SEZ6L: variants seen among roughly 807,000 people sequenced by gnomAD.
SEZ6L encodes the protein seizure related 6 homolog like, also known as seizure 6-like protein.
SEZ6L carries 37 observed loss-of-function variants against 106.2 expected under a neutral mutation model. That is an observed-to-expected ratio of 0.35 (90% CI 0.27 to 0.46). SEZ6L has a LOEUF of 0.46. SEZ6L is among the 20% of genes least tolerant of loss of function. The pLI, the probability that SEZ6L is intolerant of heterozygous loss-of-function variation, is 1.00. For missense variants in SEZ6L, 1,172 were observed against 1,332.8 expected (o/e 0.88, Z 1.88); for synonymous variants, 541 against 570.4 (o/e 0.95, Z 0.73).
At chr22:26,229,607 G>C (rs2078736686) in intron 1 of SEZ6L, among the ~76,000 whole-genome samples, 2 of 152,164 alleles carry the variant, frequency 1.3e-5, no homozygotes, top group Admixed American at 1.3e-4. Context: ...GCCCCAATTT[G>C]TGTGTAGCCT....
At chr22:26,208,157 C>T (rs1318769329) in intron 1 of SEZ6L, among the ~76,000 whole-genome samples, 3 of 152,032 alleles carry the variant, frequency 2.0e-5, no homozygotes, top group South Asian at 2.1e-4. Context: ...CCTCGTGATC[C>T]GCCCGTCTCG....
intron 1 of SEZ6L, among the ~76,000 whole-genome samples, chr22:26,188,128 C>T (rs1214093561): frequency 6.6e-6 from 1 of 152,172 alleles, no homozygotes; most frequent in Non-Finnish European, 1.5e-5. Flanking sequence ...ACCAGCAAAT[C>T]TCATATGATT....
intron 1 of SEZ6L, among the ~76,000 whole-genome samples, chr22:26,236,091 A>C (rs2078949893): frequency 6.6e-6 from 1 of 152,196 alleles, no homozygotes; most frequent in South Asian, 2.1e-4. Flanking sequence ...TGCTGTGCCC[A>C]CAAAAGCCTC....
intron 9 of SEZ6L, among the ~76,000 whole-genome samples, chr22:26,321,289 C>A (rs189390839): frequency 1.5e-4 from 23 of 152,288 alleles, no homozygotes; most frequent in African/African-American, 5.5e-4. Context: ...GGAGCTTGGA[C>A]TTTAACCCCA....
At chr22:26,187,285 G>A (rs1184828934) in intron 1 of SEZ6L, among the ~76,000 whole-genome samples, 1 of 152,200 alleles carries the variant, frequency 6.6e-6, no homozygotes, top group Non-Finnish European at 1.5e-5. Context: ...GGCCTTGTGA[G>A]AACTCACTCA....
intron 1 of SEZ6L, among the ~76,000 whole-genome samples, chr22:26,222,948 G>A (rs1277933784): frequency 6.6e-6 from 1 of 151,594 alleles, no homozygotes; most frequent in East Asian, 1.9e-4. Flanking sequence ...GTCCAGAGAG[G>A]CTGGTTAACA....
chr22:26,304,369 G>GAAAAAGA (rs1556332058), intron 5 of SEZ6L, among the ~76,000 whole-genome samples: 1 of 98,304 alleles, frequency 1.0e-5, no homozygotes, highest in Non-Finnish European at 1.9e-5. Flanking sequence ...AAAAAAGAAA[G>GAAAAAGA]AAGAAAGAAA....
chr22:26,240,998 C>T (rs949204795), intron 1 of SEZ6L, among the ~76,000 whole-genome samples: 3 of 152,134 alleles, frequency 2.0e-5, no homozygotes, highest in Admixed American at 6.5e-5. Context: ...GGACAGTAGG[C>T]GTCCATGCAC....
chr22:26,307,422 T>G (rs1398394370), intron 6 of SEZ6L, among the ~76,000 whole-genome samples: 2 of 152,086 alleles, frequency 1.3e-5, no homozygotes, highest in Admixed American at 6.5e-5. Context: ...ATTCTAATGT[T>G]TTGGCTTCTT....
At chr22:26,261,254 T>C (rs1358074773) in intron 1 of SEZ6L, among the ~76,000 whole-genome samples, 2 of 152,182 alleles carry the variant, frequency 1.3e-5, no homozygotes, top group African/African-American at 4.8e-5. Flanking sequence ...CTCACCTATT[T>C]ATCTTTGTTT....
At chr22:26,182,907 C>T (rs1011501505) in intron 1 of SEZ6L, among the ~76,000 whole-genome samples, 3 of 152,196 alleles carry the variant, frequency 2.0e-5, no homozygotes, top group Admixed American at 6.5e-5. Context: ...CGTGGCCTGT[C>T]TGCCGGGAGC....
intron 13 of SEZ6L, among the ~76,000 whole-genome samples, chr22:26,368,401 G>A (rs1161420414): frequency 6.6e-6 from 1 of 152,178 alleles, no homozygotes; most frequent in Non-Finnish European, 1.5e-5. Flanking sequence ...AGAAAAAAGG[G>A]AATATTATTC....
chr22:26,353,442 G>A (rs2083340843), intron 12 of SEZ6L, among the ~76,000 whole-genome samples: 1 of 152,170 alleles, frequency 6.6e-6, no homozygotes, highest in Non-Finnish European at 1.5e-5. Flanking sequence ...CTCATTGAAT[G>A]TGTAAGACAC....
rs533257784 is a variant in SEZ6L at position 26,246,899 on chromosome 22, T to A, written c.95-45507T>A. Among the ~76,000 whole-genome samples the A allele has an allele frequency of 1.3e-3, 192 of 152,332 alleles. 1 individual carries two copies. Among genetic ancestry groups the A allele is most frequent in the African/African-American group, 4.4e-3 (181 of 41,576 alleles). ...CCTTATGGCACCGTCTGGGTCTCAA[T>A]GTTTCTGTCAGATAAATGGGGGTGA... On this transcript the variant is annotated intron_variant, in intron 1 of 16. Coordinates refer to ENST00000248933, the MANE Select transcript of SEZ6L (RefSeq NM_021115.5).
chr22:26,301,342 C>T (rs2081447988), intron 5 of SEZ6L, among the ~76,000 whole-genome samples: 1 of 152,234 alleles, frequency 6.6e-6, no homozygotes, highest in South Asian at 2.1e-4. Context: ...ATTCGACAAA[C>T]ATCCGCCGAG....
At chr22:26,336,051 G>A (rs770424068) in intron 9 of SEZ6L, among the ~76,000 whole-genome samples, 7 of 152,164 alleles carry the variant, frequency 4.6e-5, no homozygotes, top group Non-Finnish European at 1.0e-4. Context: ...GAAGGGCTCA[G>A]ACTGGAATAG....
intron 5 of SEZ6L, among the ~76,000 whole-genome samples, chr22:26,305,287 G>A (rs1452823133): frequency 6.6e-6 from 1 of 152,088 alleles, no homozygotes; most frequent in African/African-American, 2.4e-5. Context: ...AACTCTTGGT[G>A]CAAATCTCTA....
At chr22:26,231,964 T>G (rs1293417194) in intron 1 of SEZ6L, among the ~76,000 whole-genome samples, 2 of 152,160 alleles carry the variant, frequency 1.3e-5, no homozygotes, top group East Asian at 3.9e-4. Flanking sequence ...GAAGGCTACC[T>G]GCCCTGGGGT....
At chr22:26,249,410 C>T (rs1569418903) in intron 1 of SEZ6L, among the ~76,000 whole-genome samples, 1 of 152,168 alleles carries the variant, frequency 6.6e-6, no homozygotes, top group Non-Finnish European at 1.5e-5. Flanking sequence ...TGAGTGAGAA[C>T]GTGTGGTATT....
Sources: allele counts gnomAD v4.1 joint callset (sites outside exome capture counted in the v4.1 genomes callset), GRCh38; gene constraint gnomAD v4.1.1; transcripts MANE v1.5; gene names NCBI Gene and HGNC (gene_info 2026-07-23, HGNC 2026-07-21).